Variants in PIP5K1C observed in about 807,000 individuals in gnomAD.
PIP5K1C encodes phosphatidylinositol-4-phosphate 5-kinase type 1 gamma.
Under a neutral mutation model 80.1 loss-of-function variants are expected in PIP5K1C, and 45 were observed. That is an observed-to-expected ratio of 0.56 (90% confidence interval 0.44 to 0.72). The LOEUF (loss-of-function observed/expected upper bound fraction) is 0.72, where lower values mean the gene tolerates loss of function less well. Ranked by LOEUF, PIP5K1C falls within the 30% of genes least tolerant of loss-of-function variation. PIP5K1C has a pLI of 0.00. For missense variants in PIP5K1C, 753 were observed against 954.6 expected (o/e 0.79, Z 2.78); for synonymous variants, 498 against 420.1 (o/e 1.19, Z -2.27).
At chr19:3,646,472 C>T (rs28417892) in intron 10 of PIP5K1C, among the ~76,000 whole-genome samples, 220 of 152,200 alleles carry the variant, frequency 1.4e-3, no homozygotes, top group African/African-American at 5.2e-3. Context: ...TGAGGAGTGG[C>T]CACGTACCAG....
chr19:3,690,698 G>T (rs1460303448), intron 1 of PIP5K1C, among the ~76,000 whole-genome samples: 1 of 152,132 alleles, frequency 6.6e-6, no homozygotes, highest in East Asian at 1.9e-4. Flanking sequence ...GGGCAAAGAA[G>T]TACCTGCACT....
intron 1 of PIP5K1C, among the ~76,000 whole-genome samples, chr19:3,678,685 G>A (rs1367076087): frequency 2.9e-5 from 4 of 137,204 alleles, no homozygotes; most frequent in Non-Finnish European, 6.3e-5. Flanking sequence ...GCGAGATGGA[G>A]GGATGGCGAG....
chr19:3,652,464 T>C (rs968512951), intron 7 of PIP5K1C, among the ~76,000 whole-genome samples: 1 of 151,990 alleles, frequency 6.6e-6, no homozygotes, highest in African/African-American at 2.4e-5. Flanking sequence ...TCTGGGGGTA[T>C]GGGTCAAGTT....
intron 1 of PIP5K1C, among the ~76,000 whole-genome samples, chr19:3,684,893 G>A (rs1010603465): frequency 6.6e-6 from 1 of 152,190 alleles, no homozygotes; most frequent in Non-Finnish European, 1.5e-5. Context: ...ACGTCACTCA[G>A]CAGTCAGGGC....
rs1030334688 is a variant in PIP5K1C at position 3,688,381 on chromosome 19, G to A, written c.94+11916C>T. ...GGAGCTCCTGTTCCTCACCTGCGAG[G>A]GGGGGACGGCCTCTGGCCCCCTGCT... is the stretch of plus-strand genomic sequence containing the variant. On this transcript the variant is annotated intron_variant, in intron 1 of 17. Coordinates refer to ENST00000335312, the MANE Select transcript of PIP5K1C (RefSeq NM_012398.3). This position sits in a 1 kb window ranked among gnomAD's most constrained non-coding sequence, Gnocchi z 5.3. Among the ~76,000 whole-genome samples, 1 of 152,186 alleles carries A rather than the reference G, an allele frequency of 6.6e-6. No individual in the cohort carries two copies. The highest frequency in any genetic ancestry group is 1.5e-5 in the Non-Finnish European group (1 of 68,022).
chr19:3,661,827 C>T (rs770962004), intron 4 of PIP5K1C, 44 bp downstream of exon 4: 18 of 1,606,158 alleles, frequency 1.1e-5, no homozygotes, highest in African/African-American at 1.3e-5. Context: ...CTCAGAGCCA[C>T]GTGTGTGCTG....
intron 1 of PIP5K1C, among the ~76,000 whole-genome samples, chr19:3,672,191 T>C (rs2035228563): frequency 1.3e-5 from 2 of 152,232 alleles, no homozygotes; most frequent in Admixed American, 1.3e-4. Context: ...AAAGTGCGGC[T>C]GAAGCCAGCT....
chr19:3,665,964 CT>C (rs2034993155), intron 2 of PIP5K1C, among the ~76,000 whole-genome samples: 1 of 152,170 alleles, frequency 6.6e-6, no homozygotes, highest in South Asian at 2.1e-4. Context: ...ACCCCTGCCC[CT>C]GCCCTCCCTC....
At chr19:3,655,262 T>TA (rs908442691) in intron 6 of PIP5K1C, among the ~76,000 whole-genome samples, 3 of 143,294 alleles carry the variant, frequency 2.1e-5, no homozygotes, top group Admixed American at 7.0e-5. Context: ...ACTAAAAATA[T>TA]AAAAAAATAG....
At chr19:3,669,224 C>T (rs184211382) in intron 1 of PIP5K1C, among the ~76,000 whole-genome samples, 3 of 152,282 alleles carry the variant, frequency 2.0e-5, no homozygotes, top group Admixed American at 6.5e-5. Context: ...CAGGCTGCGC[C>T]GGAGTGTGTG....
chr19:3,644,136 G>A lies in PIP5K1C; in HGVS notation c.1461C>T (p.Ala487=). Residue 487 remains alanine, a synonymous_variant, in exon 12 of 18, where the codon GCC becomes GCT. Transcript: ENST00000335312. ...ASQIPSEREE[A]QYDLRGARSY... ...TGCGGGCCCCCCGCAGGTCGTACTG[G>A]GCCTCCTCCCGCTCGCTAGGGATCT... 4 of 1,611,958 alleles carry A rather than the reference G, an allele frequency of 2.5e-6. No homozygotes were observed. Among genetic ancestry groups the A allele is most frequent in the Non-Finnish European group, 3.4e-6 (4 of 1,179,868 alleles).
intron 11 of PIP5K1C, among the ~76,000 whole-genome samples, 159 bp downstream of exon 11, chr19:3,645,815 C>T (rs947193542): frequency 6.6e-6 from 1 of 152,200 alleles, no homozygotes; most frequent in Non-Finnish European, 1.5e-5. Context: ...TCCCGACTAC[C>T]CTACCTCCGG....
chr19:3,662,058 C>T, intron 3 of PIP5K1C, 57 bp from the exon 4 acceptor site: 1 of 1,535,104 alleles, frequency 6.5e-7, no homozygotes, highest in Non-Finnish European at 8.7e-7. Context: ...GCCCTGCACC[C>T]CCTGTGTGCA....
chr19:3,657,655 G>A (rs760310456), intron 5 of PIP5K1C, among the ~76,000 whole-genome samples: 36 of 152,068 alleles, frequency 2.4e-4, no homozygotes, highest in Non-Finnish European at 4.6e-4. Flanking sequence ...CAGGCACGGC[G>A]GCTCACCCAG....
At position 3,648,474 on chromosome 19, in the gene PIP5K1C, G is replaced by T. The variant is rs184309975; in HGVS notation, c.1211+151C>A. On this transcript the variant is annotated intron_variant, in intron 9 of 17. Coordinates refer to ENST00000335312, the MANE Select transcript of PIP5K1C (RefSeq NM_012398.3). The surrounding 1 kb of genome is among the most constrained non-coding windows in gnomAD (Gnocchi z 4.3). Reference sequence around the variant, plus strand: ...CTCTGTGCATGGGTGTCCTGGGGGCGCCCATCCACCTGTGGGACTGCAGAC... The same window carrying T: ...CTCTGTGCATGGGTGTCCTGGGGGCTCCCATCCACCTGTGGGACTGCAGAC... 2.1e-5 allele frequency: 16 copies of T among 773,406 alleles called. No homozygotes were observed. The highest frequency in any genetic ancestry group is 1.4e-4 in the African/African-American group (8 of 57,152). 47.9% of individuals were successfully genotyped at this position (773,406 alleles called of 1,614,324 possible). A position where few individuals can be genotyped will look rare whatever the true frequency, so the allele number is the denominator to read the frequency against.
rs762476078 is a variant in PIP5K1C, at chr19:3,645,948, C to A, written c.1345+26G>T. 157 of 1,594,264 alleles carry A rather than the reference C, an allele frequency of 9.8e-5. 1 individual carries two copies. The highest frequency in any genetic ancestry group is 1.7e-4 in the Middle Eastern group (1 of 6,042). On this transcript the variant is annotated intron_variant, in intron 11 of 17. Transcript: ENST00000335312. ...TCTGGGCCTTCCCCAGGGTCCCTCC[C>A]GCCTTGCGGGGCTCAGGTGGCTTAC... is the stretch of plus-strand genomic sequence containing the variant.
rs1380156960 is a variant in PIP5K1C, at chr19:3,647,330, G to A, written c.1260+8C>T. 3 of 1,570,192 alleles carry A rather than the reference G, an allele frequency of 1.9e-6. No individual in the cohort carries two copies. Among genetic ancestry groups the A allele is most frequent in the South Asian group, 1.2e-5 (1 of 85,598 alleles). On this transcript the variant is annotated splice_region_variant and intron_variant, in intron 10 of 17. Transcript: ENST00000335312. ...GAGGAGGAATGGGAGGAGGGTGCAG[G>A]CGCTCACCCCATCGTGGACGAGGGC...
chr19:3,678,545 T>G (rs1281068961), intron 1 of PIP5K1C, among the ~76,000 whole-genome samples: 24 of 40,920 alleles, frequency 5.9e-4, no homozygotes, highest in Admixed American at 9.7e-4. Flanking sequence ...GAGGGAGGGA[T>G]GGAGAGATGG....
At chr19:3,679,695 C>T (rs1384670450) in intron 1 of PIP5K1C, among the ~76,000 whole-genome samples, 1 of 152,126 alleles carries the variant, frequency 6.6e-6, no homozygotes, top group Non-Finnish European at 1.5e-5. Context: ...GACCTGGGCT[C>T]AGGCACACAG....
Sources: allele counts gnomAD v4.1 joint callset (sites outside exome capture counted in the v4.1 genomes callset), GRCh38; gene constraint gnomAD v4.1.1; non-coding constraint Gnocchi (gnomAD v3.1); transcripts MANE v1.5; gene names NCBI Gene and HGNC (gene_info 2026-07-23, HGNC 2026-07-21).